PCDH15: variants seen among roughly 807,000 people sequenced by gnomAD.
PCDH15 encodes the protein protocadherin-15.
PCDH15 carries 129 observed loss-of-function variants against 178.5 expected under a neutral mutation model. The ratio of observed to expected loss-of-function variants is 0.72; its 90% confidence interval spans 0.63 to 0.84. The LOEUF (loss-of-function observed/expected upper bound fraction) is 0.84. PCDH15 is among the 40% of genes least tolerant of loss of function. PCDH15 has a pLI of 0.00. For synonymous variants in PCDH15, 800 were observed against 732.0 expected, an observed-to-expected ratio of 1.09 and a Z score of -1.50; for missense variants, 2,230 against 2,099.9, an observed-to-expected ratio of 1.06 and a Z score of -1.21.
chr10:54,028,940 A>G (rs1307892098), intron 18 of PCDH15, among the ~76,000 whole-genome samples: 1 of 133,976 alleles, frequency 7.5e-6, no homozygotes, highest in Non-Finnish European at 1.6e-5. Context: ...AAGTATAATA[A>G]TAATAAAAAA....
intron 21 of PCDH15, 155 bp downstream of exon 21, chr10:53,995,494 C>T: frequency 7.4e-7 from 1 of 1,351,172 alleles, no homozygotes; most frequent in Non-Finnish European, 1.0e-6. Flanking sequence ...ATGCTCTGTA[C>T]CTGTGGATGA....
At chr10:55,062,541 T>G (rs140474668) in intron 2 of PCDH15, among the ~76,000 whole-genome samples, 231 of 152,272 alleles carry the variant, frequency 1.5e-3, no homozygotes, top group Admixed American at 4.1e-3. Context: ...ATGTCAAAAC[T>G]ATGGAGACAG....
At chr10:55,288,697 A>G (rs1416737585) in intron 1 of PCDH15, among the ~76,000 whole-genome samples, 3 of 151,962 alleles carry the variant, frequency 2.0e-5, no homozygotes, top group Non-Finnish European at 4.4e-5. Flanking sequence ...GTCGTTACAA[A>G]TTGCAGGATC....
intron 20 of PCDH15, among the ~76,000 whole-genome samples, chr10:54,019,275 C>A (rs2092836781): frequency 6.6e-6 from 1 of 152,034 alleles, no homozygotes; most frequent in Admixed American, 6.6e-5. Flanking sequence ...AAATTATTGT[C>A]ATGTAAAGTC....
At chr10:53,968,084 T>C (rs1185704522) in intron 21 of PCDH15, among the ~76,000 whole-genome samples, 1 of 152,142 alleles carries the variant, frequency 6.6e-6, no homozygotes, top group Non-Finnish European at 1.5e-5. Context: ...CAAGGGGTTG[T>C]GGAATTTCCT....
chr10:54,916,998 G>C (rs937318931), intron 2 of PCDH15, among the ~76,000 whole-genome samples: 1 of 152,124 alleles, frequency 6.6e-6, no homozygotes, highest in East Asian at 1.9e-4. Context: ...GAAAGAGTAC[G>C]GGTAGAGTGA....
intron 21 of PCDH15, among the ~76,000 whole-genome samples, chr10:53,973,000 A>T (rs550181729): frequency 6.6e-6 from 1 of 152,226 alleles, no homozygotes; most frequent in Admixed American, 6.5e-5. Context: ...ACCTATGTTT[A>T]TTGTGGTACT....
chr10:54,500,249 T>C (rs925893376), intron 3 of PCDH15, among the ~76,000 whole-genome samples: 6 of 151,760 alleles, frequency 4.0e-5, no homozygotes, highest in African/African-American at 1.5e-4. Context: ...AAACATTGAG[T>C]TCACAAGGAC....
intron 2 of PCDH15, among the ~76,000 whole-genome samples, chr10:55,341,750 TACATACATATGC>T (rs1844563594): frequency 1.5e-5 from 2 of 132,102 alleles, no homozygotes; most frequent in African/African-American, 5.5e-5. Context: ...TTTTTGTATA[TACATACATATGC>T]ATATATATAT....
intron 3 of PCDH15, among the ~76,000 whole-genome samples, chr10:54,520,131 A>G (rs2082688869): frequency 6.6e-6 from 1 of 152,180 alleles, no homozygotes; most frequent in African/African-American, 2.4e-5. Context: ...CCTAGGCAAT[A>G]CCATTCAGGA....
intron 3 of PCDH15, among the ~76,000 whole-genome samples, chr10:54,399,942 C>T (rs570193049): frequency 2.3e-4 from 35 of 152,182 alleles, no homozygotes; most frequent in Middle Eastern, 6.8e-3. Flanking sequence ...CCTTTCTTTT[C>T]TTTTTACCTC....
At chr10:54,369,517 A>G (rs1473054956) in intron 4 of PCDH15, among the ~76,000 whole-genome samples, 2 of 151,982 alleles carry the variant, frequency 1.3e-5, no homozygotes, top group Non-Finnish European at 1.5e-5. Flanking sequence ...TGGATGGCTA[A>G]TGAGCGCACC....
intron 2 of PCDH15, among the ~76,000 whole-genome samples, chr10:55,576,068 C>T (rs906549412): frequency 3.3e-5 from 5 of 152,112 alleles, no homozygotes; most frequent in Non-Finnish European, 2.9e-5. Context: ...TCTTGAACAA[C>T]GTGGGGGTTG....
At chr10:53,973,468 A>G (rs1374351121) in intron 21 of PCDH15, among the ~76,000 whole-genome samples, 2 of 152,136 alleles carry the variant, frequency 1.3e-5, no homozygotes, top group South Asian at 2.1e-4. Flanking sequence ...AAACAAATCA[A>G]TATTTAAAAT....
At chr10:54,667,884 A>G (rs886284021) in intron 1 of PCDH15, among the ~76,000 whole-genome samples, 3 of 152,128 alleles carry the variant, frequency 2.0e-5, no homozygotes, top group African/African-American at 7.2e-5. Context: ...ATCGTGACTT[A>G]GAAATAGTAT....
intron 2 of PCDH15, among the ~76,000 whole-genome samples, chr10:55,118,889 C>A (rs1241820484): frequency 2.0e-5 from 3 of 152,138 alleles, no homozygotes; most frequent in Admixed American, 6.6e-5. Context: ...AATTGACTTA[C>A]GAAGAGATTT....
At position 55,374,084 on chromosome 10, in the gene PCDH15, TATAATAATAATA is replaced by T. The variant is rs71461295; in HGVS notation, c.-155-207445_-155-207434del. On this transcript the variant is annotated intron_variant, in intron 2 of 5. Transcript: ENST00000613346. The stretch of plus-strand genomic sequence containing the variant: ...TGCACATGTATCCCAGAACTTAAAG[TATAATAATAATA>T]ATAATAATAATAATAATAATAATAA... 6.0e-4 allele frequency among the ~76,000 whole-genome samples: 86 copies of T among 143,952 alleles called. 1 individual carries two copies. Among genetic ancestry groups the T allele is most frequent in the African/African-American group, 9.7e-4 (38 of 39,008 alleles). The allele number at this position is 143,952 out of a possible 152,430, so 94.4% of individuals were successfully genotyped here.
chr10:54,466,606 A>G (rs1016954470), intron 3 of PCDH15, among the ~76,000 whole-genome samples: 1 of 151,902 alleles, frequency 6.6e-6, no homozygotes, highest in African/African-American at 2.4e-5. Flanking sequence ...GAAGTCATGT[A>G]GTGTGGTGAC....
chr10:54,291,424 A>G (rs2059394756), intron 8 of PCDH15, among the ~76,000 whole-genome samples: 1 of 152,210 alleles, frequency 6.6e-6, no homozygotes. Flanking sequence ...TAGAGAAGCA[A>G]GAGCAAACAA....
Sources: allele counts gnomAD v4.1 joint callset (sites outside exome capture counted in the v4.1 genomes callset), GRCh38; gene constraint gnomAD v4.1.1; transcripts MANE v1.5; gene names NCBI Gene and HGNC (gene_info 2026-07-23, HGNC 2026-07-21).